Variants in KCNT2 observed in about 807,000 individuals in gnomAD.
KCNT2 encodes potassium sodium-activated channel subfamily T member 2.
Under a neutral mutation model 153.8 loss-of-function variants are expected in KCNT2, and 67 were observed. That is an observed-to-expected ratio of 0.44 (90% CI 0.36 to 0.53). The LOEUF is 0.53. Ranked by LOEUF, KCNT2 falls within the 20% of genes least tolerant of loss-of-function variation. KCNT2 has a pLI of 0.00. For missense variants in KCNT2, 975 were observed against 1,354.8 expected, an observed-to-expected ratio of 0.72 and a Z score of 4.40; for synonymous variants, 500 against 458.8, an observed-to-expected ratio of 1.09 and a Z score of -1.15.
chr1:196,579,288 AC>A (rs1288943433), intron 1 of KCNT2, among the ~76,000 whole-genome samples: 1 of 152,102 alleles, frequency 6.6e-6, no homozygotes, highest in Non-Finnish European at 1.5e-5. Context: ...ACAGATGGAC[AC>A]AAAGAAGGGA....
At chr1:196,460,059 C>T (rs1002628309) in intron 8 of KCNT2, among the ~76,000 whole-genome samples, 5 of 151,676 alleles carry the variant, frequency 3.3e-5, no homozygotes, top group African/African-American at 1.2e-4. Context: ...CATTGTTCTG[C>T]TCTCACAAAT....
In KCNT2 at chr1:196,425,935, C is replaced by T. The variant is rs1347530344; in HGVS notation, c.1038G>A (p.Arg346=). 3.1e-6 allele frequency: 5 copies of T among 1,612,000 alleles called. No individual in the cohort carries two copies. The African/African-American group carries it at 5.4e-5, about 17-fold the overall frequency. ...GGGACCACATTGGAATCTGCAGTAC[C>T]CTTCGAACCTGTACATCCATTTCAG... ...CPTEMDVQVR[R]VLQIPMWSQR... is the part of the protein sequence containing the mutation. The change falls in exon 11 of 28, where the codon AGG becomes AGA. Residue 346 remains arginine, a synonymous_variant. Transcript: ENST00000294725.
At chr1:196,505,479 T>G (rs1681055485) in intron 1 of KCNT2, among the ~76,000 whole-genome samples, 1 of 150,140 alleles carries the variant, frequency 6.7e-6, no homozygotes, top group African/African-American at 2.4e-5. Context: ...CTGTTTTGGT[T>G]ACTGTAGCCT....
chr1:196,451,217 C>CTATTTTTTTTTTTTTTTTT (rs1676135727), intron 8 of KCNT2, among the ~76,000 whole-genome samples: 1 of 63,552 alleles, frequency 1.6e-5, no homozygotes, highest in African/African-American at 4.7e-5. Flanking sequence ...ATCCCTCTTT[C>CTATTTTTTTTTTTTTTTTT]TTTTTTTTTT....
intron 11 of KCNT2, 65 bp downstream of exon 11, chr1:196,425,787 A>G: frequency 6.5e-7 from 1 of 1,547,032 alleles, no homozygotes; most frequent in South Asian, 1.1e-5. Flanking sequence ...TAAAATTTGG[A>G]GGAAAGAGAA....
chr1:196,426,072 A>C, intron 10 of KCNT2, 84 bp from the exon 11 acceptor site: 1 of 1,041,906 alleles, frequency 9.6e-7, no homozygotes, highest in Non-Finnish European at 1.4e-6. Context: ...TCTAAGAAAA[A>C]TTTGAAATAT....
At chr1:196,340,880 T>C (rs1409911712) in intron 15 of KCNT2, among the ~76,000 whole-genome samples, 6 of 151,844 alleles carry the variant, frequency 4.0e-5, no homozygotes, top group South Asian at 2.1e-4. Context: ...TCAAAAAACA[T>C]AAACAGCATA....
intron 1 of KCNT2, among the ~76,000 whole-genome samples, chr1:196,523,249 C>T (rs1173595949): frequency 6.6e-6 from 1 of 152,082 alleles, no homozygotes; most frequent in Non-Finnish European, 1.5e-5. Context: ...AAGGAAGAAA[C>T]TCCAGACACA....
intron 26 of KCNT2, among the ~76,000 whole-genome samples, chr1:196,248,393 AC>A (rs1179236689): frequency 6.6e-6 from 1 of 152,066 alleles, no homozygotes; most frequent in African/African-American, 2.4e-5. Context: ...AAATTGACAA[AC>A]TTTTATCCAG....
At chr1:196,550,560 A>G (rs145851610) in intron 1 of KCNT2, among the ~76,000 whole-genome samples, 4 of 152,028 alleles carry the variant, frequency 2.6e-5, no homozygotes, top group African/African-American at 9.6e-5. Flanking sequence ...TCTTATGTTA[A>G]CATACAGGAA....
At chr1:196,582,705 G>T (rs1043955650) in intron 1 of KCNT2, among the ~76,000 whole-genome samples, 41 of 152,014 alleles carry the variant, frequency 2.7e-4, no homozygotes, top group Non-Finnish European at 2.9e-5. Context: ...TGAGTCCTTT[G>T]AATTATTCTC....
chr1:196,290,419 T>C (rs1660078049), intron 22 of KCNT2, among the ~76,000 whole-genome samples: 1 of 152,058 alleles, frequency 6.6e-6, no homozygotes, highest in African/African-American at 2.4e-5. Context: ...GTTAAACTCA[T>C]CTTCCTTGTG....
chr1:196,413,144 C>T (rs1010800656), intron 12 of KCNT2, among the ~76,000 whole-genome samples: 2 of 151,526 alleles, frequency 1.3e-5, no homozygotes, highest in Admixed American at 6.6e-5. Context: ...AACAGTAGTA[C>T]CACTTTTATT....
intron 27 of KCNT2, among the ~76,000 whole-genome samples, chr1:196,234,160 T>C (rs919899835): frequency 6.6e-6 from 1 of 151,348 alleles, no homozygotes; most frequent in Non-Finnish European, 1.5e-5. Flanking sequence ...AAATATCACA[T>C]GTACCTCATA....
At chr1:196,327,951 C>A (rs753591234) in intron 18 of KCNT2, among the ~76,000 whole-genome samples, 5 of 151,998 alleles carry the variant, frequency 3.3e-5, no homozygotes, top group Non-Finnish European at 7.4e-5. Context: ...CTGGAATATT[C>A]TTTGCCATTA....
At chr1:196,250,620 A>G (rs1292867291) in intron 26 of KCNT2, among the ~76,000 whole-genome samples, 1 of 152,138 alleles carries the variant, frequency 6.6e-6, no homozygotes, top group Admixed American at 6.6e-5. Flanking sequence ...AAATTGACAA[A>G]TGGGATCACA....
chr1:196,530,745 C>T (rs574010247), intron 1 of KCNT2, among the ~76,000 whole-genome samples: 5 of 152,158 alleles, frequency 3.3e-5, no homozygotes, highest in African/African-American at 1.2e-4. Flanking sequence ...ACATCGTTTA[C>T]ACTTAATAAC....
At chr1:196,517,956 C>T (rs1407836463) in intron 1 of KCNT2, among the ~76,000 whole-genome samples, 1 of 152,068 alleles carries the variant, frequency 6.6e-6, no homozygotes, top group Non-Finnish European at 1.5e-5. Context: ...ATCCCTAAGA[C>T]ACATAATCAT....
intron 8 of KCNT2, among the ~76,000 whole-genome samples, chr1:196,457,226 G>C (rs1445322926): frequency 6.6e-6 from 1 of 151,550 alleles, no homozygotes; most frequent in Non-Finnish European, 1.5e-5. Context: ...AAAAAACACT[G>C]TTCTCACACT....
Sources: allele counts gnomAD v4.1 joint callset (sites outside exome capture counted in the v4.1 genomes callset), GRCh38; gene constraint gnomAD v4.1.1; transcripts MANE v1.5; gene names NCBI Gene and HGNC (gene_info 2026-07-23, HGNC 2026-07-21).